TP53TG5: variants seen among roughly 807,000 people sequenced by gnomAD.
The protein encoded by TP53TG5 is TP53 target 5, also known as TP53-target gene 5 protein.
In TP53TG5, 17 loss-of-function variants were observed where a neutral mutation model predicts 30.0. The ratio of observed to expected loss-of-function variants is 0.57; its 90% CI spans 0.39 to 0.85. The LOEUF is 0.85. TP53TG5 is among the 40% of genes least tolerant of loss of function. TP53TG5 has a pLI of 0.00. For synonymous variants in TP53TG5, 137 were observed against 139.2 expected, an observed-to-expected ratio of 0.98 and a Z score of 0.11; for missense variants, 338 against 367.9, an observed-to-expected ratio of 0.92 and a Z score of 0.67.
Position 45,375,157 on chromosome 20 carries a change from C to A in TP53TG5, c.650G>T (p.Arg217Leu). 6.2e-7 allele frequency: 1 copy of A among 1,614,188 alleles called. No individual in the cohort carries two copies. The highest frequency in any genetic ancestry group is 8.5e-7 in the Non-Finnish European group (1 of 1,180,030). ...QWIWFEGLPT[R>L]IHLPAPRVMC... ...CACCCTGGGCGCCGGGAGGTGGATTCGTGTGGGCAGCCCCTCAAACCAGAT... is the reference window on the plus strand; with the variant it reads ...CACCCTGGGCGCCGGGAGGTGGATTAGTGTGGGCAGCCCCTCAAACCAGAT... The change falls in exon 4 of 5, where the codon CGA (arginine) becomes CTA (leucine). Residue 217 changes from arginine (R) to leucine (L), a missense_variant. Arg to Leu is a moderately radical substitution (Grantham distance 102, BLOSUM62 -2). Coordinates refer to ENST00000372726, the MANE Select transcript of TP53TG5 (RefSeq NM_014477.3).
At chr20:45,378,039 C>G (rs1249761483) in intron 1 of TP53TG5, 150 bp downstream of exon 1, 1 of 1,093,688 alleles carries the variant, frequency 9.1e-7, no homozygotes, top group African/African-American at 1.6e-5. Flanking sequence ...GGGGACAGAA[C>G]TGGGAGACCA....
At position 45,372,641 on chromosome 20, in the gene TP53TG5, T is replaced by G. The variant is rs1988589384; in HGVS notation, c.*1266A>C. ...CCAGCAAGGGAACTGCAAGGGAGAC[T>G]GTTCAGGAAATGGGCTGGAGTGCAA... On this transcript the variant is annotated 3_prime_UTR_variant, in exon 5 of 5. Coordinates refer to ENST00000372726, the MANE Select transcript of TP53TG5 (RefSeq NM_014477.3). 1 of 152,168 alleles carries G rather than the reference T, an allele frequency of 6.6e-6. No homozygotes were observed. Among genetic ancestry groups the G allele is most frequent in the African/African-American group, 2.4e-5 (1 of 41,416 alleles). 9.4% of individuals were successfully genotyped at this position (152,168 alleles called of 1,614,324 possible). A position where few individuals can be genotyped will look rare whatever the true frequency, so the allele number is the denominator to read the frequency against.
intron 3 of TP53TG5, 108 bp from the exon 4 acceptor site, chr20:45,375,660 G>C (rs755221380): frequency 5.7e-6 from 8 of 1,402,928 alleles, no homozygotes; most frequent in Non-Finnish European, 7.6e-6. Context: ...GGCTAGAGGG[G>C]CCTGCAAAGA....
rs1988591082 is a variant in TP53TG5 at position 45,372,719 on chromosome 20, A to G, written c.*1188T>C. 6.6e-6 allele frequency: 1 copy of G among 151,592 alleles called. No homozygotes were observed. The highest frequency in any genetic ancestry group is 2.4e-5 in the African/African-American group (1 of 41,302). 9.4% of individuals were successfully genotyped at this position (151,592 alleles called of 1,614,324 possible). On this transcript the variant is annotated 3_prime_UTR_variant, in exon 5 of 5. Transcript: ENST00000372726. ...TTACTGGGGTGGAATTTGCACGGGA[A>G]TTAGCGGGGTGGTGGGGGCGGAGGT...
At position 45,375,200 on chromosome 20, in the gene TP53TG5, C is replaced by T. The variant is rs779629018; in HGVS notation, c.607G>A (p.Asp203Asn). 12 of 1,614,082 alleles carry T rather than the reference C, an allele frequency of 7.4e-6. No individual in the cohort carries two copies. In the East Asian group the frequency reaches 2.7e-4, roughly 36 times the overall value. ...RTPMGHMKQL[D>N]VADQWIWFEG... ...AACCAGATCCACTGGTCGGCTACAT[C>T]CAGCTGCTTCATGTGCCCCATGGGA... Residue 203 changes from aspartate (D) to asparagine (N), a missense_variant, in exon 4 of 5, where the codon GAT becomes AAT. Asp to Asn is a conservative substitution (Grantham distance 23, BLOSUM62 1). Transcript: ENST00000372726.
At chr20:45,374,719 G>C (rs933538419) in intron 4 of TP53TG5, 1 of 445,396 alleles carries the variant, frequency 2.2e-6, no homozygotes, top group Non-Finnish European at 4.0e-6. Flanking sequence ...ACTTATGTAG[G>C]CCTCTGACTG....
Position 45,375,516 on chromosome 20 carries a change from ATTAT to A in TP53TG5, c.287_290del (p.Asn96MetfsTer19). The A allele has an allele frequency of 3.5e-6, 1 of 284,698 alleles. No individual in the cohort carries two copies. Among genetic ancestry groups the A allele is most frequent in the Non-Finnish European group, 6.5e-6 (1 of 153,288 alleles). The allele number at this position is 284,698 out of a possible 1,614,324, so 17.6% of individuals were successfully genotyped here. A position where few individuals can be genotyped will look rare whatever the true frequency, so the allele number is the denominator to read the frequency against. On this transcript the variant is annotated frameshift_variant, in exon 4 of 5. Coordinates refer to ENST00000372726, the MANE Select transcript of TP53TG5 (RefSeq NM_014477.3). LOFTEE classifies it high-confidence loss of function. ...AGCACCCGATCTCCTGGAACTCTTC[ATTAT>A]TTTGTTTTGTTTTATTGCAGGCACT...
chr20:45,375,849 G>C, intron 3 of TP53TG5: 1 of 382,512 alleles, frequency 2.6e-6, no homozygotes, highest in East Asian at 5.3e-5. Context: ...ACTTCAGCTG[G>C]GAGGGTGAAC....
At position 45,373,294 on chromosome 20, in the gene TP53TG5, T is replaced by G. The variant is rs190873546; in HGVS notation, c.*613A>C. Reference sequence around the variant, plus strand: ...GTAGAGATGCAGTACCAGCTCCCCCTCCTGATCCGGTGCCTTCTGTGATCT... The same window carrying G: ...GTAGAGATGCAGTACCAGCTCCCCCGCCTGATCCGGTGCCTTCTGTGATCT... On this transcript the variant is annotated 3_prime_UTR_variant, in exon 5 of 5. Coordinates refer to ENST00000372726, the MANE Select transcript of TP53TG5 (RefSeq NM_014477.3). The G allele has an allele frequency of 4.5e-3, 703 of 157,074 alleles. 4 individuals are homozygous for G. Among genetic ancestry groups the G allele is most frequent in the African/African-American group, 0.016 (667 of 41,618 alleles). 9.7% of individuals were successfully genotyped at this position (157,074 alleles called of 1,614,324 possible).
rs781269723 is a variant in TP53TG5, at chr20:45,375,497, C to T, written c.310G>A (p.Gly104Arg). 50 of 1,604,638 alleles carry T rather than the reference C, an allele frequency of 3.1e-5. No homozygotes were observed. Among genetic ancestry groups the T allele is most frequent in the Middle Eastern group, 1.7e-4 (1 of 6,052 alleles). Reference protein sequence around the residue: ...KQNNEEFQEIGCSEKELKSKK... With the variant: ...KQNNEEFQEIRCSEKELKSKK... Reference sequence around the variant, plus strand: ...GACTTGAGTTCCTTCTCGGAGCACCCGATCTCCTGGAACTCTTCATTATTT... The same window carrying T: ...GACTTGAGTTCCTTCTCGGAGCACCTGATCTCCTGGAACTCTTCATTATTT... Residue 104 changes from glycine to arginine, a missense_variant, in exon 4 of 5, where the codon GGG (glycine) becomes AGG (arginine). By Grantham distance (125) the Gly-to-Arg change is moderately radical. Coordinates refer to ENST00000372726, the MANE Select transcript of TP53TG5 (RefSeq NM_014477.3).
At chr20:45,377,904 T>C (rs1030015303) in intron 1 of TP53TG5, among the ~76,000 whole-genome samples, 2 of 152,184 alleles carry the variant, frequency 1.3e-5, no homozygotes, top group African/African-American at 4.8e-5. Context: ...ATCTCGCCAC[T>C]GCACTCCAGC....
In TP53TG5 at chr20:45,373,668, G is replaced by A. The variant is rs1460919210; in HGVS notation, c.*239C>T. On this transcript the variant is annotated 3_prime_UTR_variant, in exon 5 of 5. Coordinates refer to ENST00000372726, the MANE Select transcript of TP53TG5 (RefSeq NM_014477.3). ...CACTTTGCACCCAGGAAGCACACGAGCGCCCTGACTTCACAGAGCGCGCCA... is the reference window on the plus strand; with the variant it reads ...CACTTTGCACCCAGGAAGCACACGAACGCCCTGACTTCACAGAGCGCGCCA... The A allele has an allele frequency of 5.4e-6, 3 of 559,380 alleles. No individual in the cohort carries two copies. The highest frequency in any genetic ancestry group is 1.9e-5 in the African/African-American group (1 of 53,176). 34.7% of individuals were successfully genotyped at this position (559,380 alleles called of 1,614,324 possible).
chr20:45,377,728 A>G (rs1030900068), intron 1 of TP53TG5, 115 bp from the exon 2 acceptor site: 54 of 923,300 alleles, frequency 5.8e-5, no homozygotes, highest in Non-Finnish European at 8.4e-5. Context: ...ATTTGAGGTC[A>G]GGAGTTTGAG....
chr20:45,376,949 A>C (rs192640675), intron 3 of TP53TG5, among the ~76,000 whole-genome samples: 48 of 152,212 alleles, frequency 3.2e-4, no homozygotes, highest in Middle Eastern at 3.4e-3. Context: ...GGATGATTAC[A>C]ACCATTGTTA....
chr20:45,377,082 T>C (rs918768580), intron 3 of TP53TG5, 130 bp downstream of exon 3: 10 of 1,224,202 alleles, frequency 8.2e-6, no homozygotes, highest in Non-Finnish European at 1.0e-5. Context: ...AGCAGTAAAA[T>C]AGAGTTAATA....
In TP53TG5 at chr20:45,375,136, C is replaced by T. The variant is rs763292687; in HGVS notation, c.671G>A (p.Arg224Lys). ...CAGGGTGGAGGATCTGCACATCACCCTGGGCGCCGGGAGGTGGATTCGTGT... is the reference window on the plus strand; with the variant it reads ...CAGGGTGGAGGATCTGCACATCACCTTGGGCGCCGGGAGGTGGATTCGTGT... ...LPTRIHLPAP[R>K]VMCRSSTLRW... is the part of the protein sequence containing the mutation. The change falls in exon 4 of 5, where the codon AGG (arginine) becomes AAG (lysine). Residue 224 changes from arginine to lysine, a missense_variant. By Grantham distance (26) the Arg-to-Lys change is conservative. Transcript: ENST00000372726. The T allele has an allele frequency of 4.3e-6, 7 of 1,614,192 alleles. No homozygotes were observed. The East Asian group carries it at 1.6e-4, about 36-fold the overall frequency.
intron 1 of TP53TG5, among the ~76,000 whole-genome samples, chr20:45,377,815 G>A (rs567206407): frequency 2.6e-5 from 4 of 152,166 alleles, no homozygotes; most frequent in East Asian, 3.9e-4. Context: ...GGTGGCATGC[G>A]CCTGTAGTCC....
intron 3 of TP53TG5, chr20:45,376,919 G>C: frequency 3.2e-6 from 1 of 314,440 alleles, no homozygotes; most frequent in African/African-American, 2.1e-5. Flanking sequence ...GTGCCCCAGG[G>C]TGAAGTGAGC....
intron 4 of TP53TG5, chr20:45,374,307 C>G (rs1185173391): frequency 8.6e-6 from 6 of 696,232 alleles, no homozygotes; most frequent in East Asian, 2.7e-5. Flanking sequence ...GGGTCTTGCT[C>G]TCTTGCCCAG....
Sources: allele counts gnomAD v4.1 joint callset (sites outside exome capture counted in the v4.1 genomes callset), GRCh38; gene constraint gnomAD v4.1.1; transcripts MANE v1.5; gene names NCBI Gene and HGNC (gene_info 2026-07-23, HGNC 2026-07-21).